Variants in BTBD9 observed in about 807,000 individuals in gnomAD.
The protein encoded by BTBD9 is BTB/POZ domain-containing protein 9.
BTBD9 carries 49 observed loss-of-function variants against 64.3 expected under a neutral mutation model. The ratio of observed to expected loss-of-function variants is 0.76; its 90% CI spans 0.61 to 0.97. The LOEUF is 0.97. Among genes scored for constraint, BTBD9 ranks in the 50% least tolerant of loss-of-function variants. The pLI, the probability that BTBD9 is intolerant of heterozygous loss-of-function variation, is 0.00. For synonymous variants in BTBD9, 260 were observed against 274.7 expected (o/e 0.95, Z 0.53); for missense variants, 598 against 762.1 (o/e 0.78, Z 2.53).
intron 7 of BTBD9, among the ~76,000 whole-genome samples, chr6:38,329,987 G>A (rs376021724): frequency 1.9e-4 from 29 of 152,176 alleles, no homozygotes; most frequent in African/African-American, 5.8e-4. Context: ...TACTGAGACT[G>A]GTAAGAAATA....
intron 6 of BTBD9, among the ~76,000 whole-genome samples, chr6:38,390,441 G>A (rs1291679753): frequency 6.6e-6 from 1 of 152,040 alleles, no homozygotes; most frequent in Non-Finnish European, 1.5e-5. Flanking sequence ...TGAGACCCCT[G>A]GCATAAAGTT....
intron 4 of BTBD9, among the ~76,000 whole-genome samples, chr6:38,591,794 G>A (rs772251976): frequency 3.9e-4 from 59 of 152,112 alleles, no homozygotes; most frequent in Non-Finnish European, 6.9e-4. Flanking sequence ...CCATTAATAA[G>A]AAAAATCACC....
intron 6 of BTBD9, among the ~76,000 whole-genome samples, chr6:38,529,252 G>C (rs1399369575): frequency 6.6e-6 from 1 of 152,180 alleles, no homozygotes; most frequent in African/African-American, 2.4e-5. Context: ...TCTCAGCAGA[G>C]AGAGACTCCA....
At chr6:38,392,419 G>C (rs1367204453) in intron 6 of BTBD9, among the ~76,000 whole-genome samples, 1 of 152,080 alleles carries the variant, frequency 6.6e-6, no homozygotes, top group African/African-American at 2.4e-5. Context: ...TCATTCCTGG[G>C]GCAACAATCA....
chr6:38,386,661 G>C (rs533437619), intron 6 of BTBD9, among the ~76,000 whole-genome samples: 1 of 147,118 alleles, frequency 6.8e-6, no homozygotes, highest in Non-Finnish European at 1.5e-5. Context: ...TTGGAGTGGG[G>C]GGCCAGGGTC....
At chr6:38,290,236 A>G (rs1761907182) in intron 7 of BTBD9, among the ~76,000 whole-genome samples, 1 of 151,422 alleles carries the variant, frequency 6.6e-6, no homozygotes, top group Admixed American at 6.6e-5. Context: ...TTAATTCCAA[A>G]GCAACAAGTA....
rs369008251 is a variant in BTBD9 at position 38,288,486 on chromosome 6, G to A, written c.1265-25C>T. ...ACTGTGAATCCAAAAACAAGATTTG[G>A]CATCAGGATAAGAGAAGCCAAATAT... is the stretch of plus-strand genomic sequence containing the variant. On this transcript the variant is annotated intron_variant, in intron 7 of 10. Coordinates refer to ENST00000481247, the MANE Select transcript of BTBD9 (RefSeq NM_001099272.2). The A allele has an allele frequency of 3.7e-6, 6 of 1,610,488 alleles. No homozygotes were observed. In the African/African-American group the frequency reaches 6.7e-5, roughly 18 times the overall value.
At chr6:38,500,098 A>C (rs1179701376) in intron 6 of BTBD9, among the ~76,000 whole-genome samples, 1 of 152,236 alleles carries the variant, frequency 6.6e-6, no homozygotes, top group Non-Finnish European at 1.5e-5. Context: ...GTGGCAATGG[A>C]AATGGTCTGA....
At position 38,594,016 on chromosome 6, in the gene BTBD9, T is replaced by A; in HGVS notation, c.497A>T (p.Asp166Val). Residue 166 changes from aspartate to valine, a missense_variant, in exon 3 of 11, where the codon GAT (aspartate) becomes GTT (valine). Physicochemically the swap from Asp to Val is radical, Grantham distance 152. Transcript: ENST00000481247. ...TGAGAGGACTTCCTGAGCATTCCTA[T>A]CCATAAACATGCAGCACATACAAGT... ...KLTCMCCMFM[D>V]RNAQEVLSSE... 1 of 1,614,106 alleles carries A rather than the reference T, an allele frequency of 6.2e-7. No homozygotes were observed. Among genetic ancestry groups the A allele is most frequent in the Non-Finnish European group, 8.5e-7 (1 of 1,179,998 alleles).
chr6:38,493,175 G>A (rs2127392941), intron 6 of BTBD9, among the ~76,000 whole-genome samples: 1 of 152,282 alleles, frequency 6.6e-6, no homozygotes, highest in Non-Finnish European at 1.5e-5. Context: ...AAACCCTGGA[G>A]GAGCAATGTT....
chr6:38,407,415 TA>T (rs1767217067), intron 6 of BTBD9, among the ~76,000 whole-genome samples: 1 of 152,136 alleles, frequency 6.6e-6, no homozygotes, highest in Non-Finnish European at 1.5e-5. Flanking sequence ...TTTGCAATGT[TA>T]TATTTAAGAC....
chr6:38,421,549 C>T (rs1257312224), intron 6 of BTBD9, among the ~76,000 whole-genome samples: 1 of 152,190 alleles, frequency 6.6e-6, no homozygotes, highest in African/African-American at 2.4e-5. Flanking sequence ...GCTGACAGCC[C>T]ATCTCAAAGA....
chr6:38,267,195 G>A (rs1561948558), intron 8 of BTBD9, among the ~76,000 whole-genome samples: 1 of 152,240 alleles, frequency 6.6e-6, no homozygotes, highest in Non-Finnish European at 1.5e-5. Context: ...GCTATTACGG[G>A]CTGTTGTGAA....
chr6:38,605,006 A>AT (rs1256504018), intron 1 of BTBD9, among the ~76,000 whole-genome samples: 17 of 151,952 alleles, frequency 1.1e-4, no homozygotes, highest in African/African-American at 4.1e-4. Flanking sequence ...ATTGATATTA[A>AT]TTTTTAACCT....
In BTBD9 at chr6:38,602,622, T is replaced by G. The variant is rs571513560; in HGVS notation, c.-27-4501A>C. 1.1e-4 allele frequency among the ~76,000 whole-genome samples: 16 copies of G among 152,224 alleles called. No homozygotes were observed. The East Asian group carries it at 2.7e-3, about 26-fold the overall frequency. On this transcript the variant is annotated intron_variant, in intron 1 of 10. Transcript: ENST00000481247. ...TTTGTAATGTTTACAAATTTTATAA[T>G]GTTTATTTGTAGTAAAACTATAAAC... is the stretch of plus-strand genomic sequence containing the variant.
rs144117111 is a variant in BTBD9 at position 38,192,893 on chromosome 6, C to A, written c.1563-296G>T. On this transcript the variant is annotated intron_variant, in intron 9 of 10. Transcript: ENST00000481247. ...AAACAAGCACAAAGGGCAGACCAAGCTCATTACAACAAGGGGTGGGGGGAG... is the reference window on the plus strand; with the variant it reads ...AAACAAGCACAAAGGGCAGACCAAGATCATTACAACAAGGGGTGGGGGGAG... 2.3e-3 allele frequency among the ~76,000 whole-genome samples: 289 copies of A among 124,344 alleles called. 1 individual carries two copies. In the Middle Eastern group the frequency reaches 0.043, roughly 18 times the overall value. The allele number at this position is 124,344 out of a possible 152,430, so 81.6% of individuals were successfully genotyped here. A position where few individuals can be genotyped will look rare whatever the true frequency, so the allele number is the denominator to read the frequency against.
chr6:38,171,872 AAAAAAAAAAATAATAATAAT>A lies in BTBD9; in HGVS notation c.*3093_*3112del, dbSNP rs1766796078. 1 of 109,058 alleles carries A rather than the reference AAAAAAAAAAATAATAATAAT, an allele frequency of 9.2e-6. No individual in the cohort carries two copies. The highest frequency in any genetic ancestry group is 2.0e-5 in the Non-Finnish European group (1 of 49,542). The allele number at this position is 109,058 out of a possible 1,614,324, so 6.8% of individuals were successfully genotyped here. A position where few individuals can be genotyped will look rare whatever the true frequency, so the allele number is the denominator to read the frequency against. On this transcript the variant is annotated 3_prime_UTR_variant, in exon 11 of 11. Transcript: ENST00000481247. Reference sequence around the variant, plus strand: ...AAAAAAAAAAAAAAAAAAAAAAAAAAAAAAAAAAAATAATAATAATAATAATAATAATAATAATGAAAAGT... The same window carrying A: ...AAAAAAAAAAAAAAAAAAAAAAAAAAAATAATAATAATAATAATGAAAAGT...
intron 9 of BTBD9, among the ~76,000 whole-genome samples, chr6:38,230,539 C>T (rs955283476): frequency 6.9e-6 from 1 of 144,784 alleles, no homozygotes; most frequent in Non-Finnish European, 1.5e-5. Context: ...GTTCTTACTA[C>T]TCCCTTGCCT....
rs1775312734 is a variant in BTBD9 at position 38,562,728 on chromosome 6, C to G, written c.1154+14872G>C. ...TCAATTCATACAGATATAATCAATTCCTTATTGATGGGCATTTTGGTAGTT... is the reference window on the plus strand; with the variant it reads ...TCAATTCATACAGATATAATCAATTGCTTATTGATGGGCATTTTGGTAGTT... On this transcript the variant is annotated intron_variant, in intron 6 of 10. Coordinates refer to ENST00000481247, the MANE Select transcript of BTBD9 (RefSeq NM_001099272.2). Among the ~76,000 whole-genome samples, 4 of 152,098 alleles carry G rather than the reference C, an allele frequency of 2.6e-5. No individual in the cohort carries two copies. In the South Asian group the frequency reaches 8.3e-4, roughly 32 times the overall value.
Sources: gnomAD v4.1 joint callset for allele counts (sites outside exome capture counted in the v4.1 genomes callset) on GRCh38, gnomAD v4.1.1 for gene constraint, MANE v1.5 for transcripts, NCBI Gene and HGNC (gene_info 2026-07-23, HGNC 2026-07-21) for gene names.